The following EIF4E1B variants were observed in gnomAD, a reference collection of about 807,000 sequenced individuals.
EIF4E1B encodes eukaryotic translation initiation factor 4E type 1B.
EIF4E1B carries 22 observed loss-of-function variants against 31.3 expected under a neutral mutation model. The ratio of observed to expected loss-of-function variants is 0.70; its 90% confidence interval spans 0.50 to 1.00. The LOEUF is 1.00. Among genes scored for constraint, EIF4E1B ranks in the 50% least tolerant of loss-of-function variants. The pLI is 0.00. For missense variants in EIF4E1B, 290 were observed against 311.6 expected, an observed-to-expected ratio of 0.93 and a Z score of 0.52; for synonymous variants, 126 against 120.2, an observed-to-expected ratio of 1.05 and a Z score of -0.31.
intron 1 of EIF4E1B, among the ~76,000 whole-genome samples, chr5:176,636,687 C>T (rs547243238): frequency 1.3e-5 from 2 of 152,212 alleles, no homozygotes; most frequent in African/African-American, 2.4e-5. Context: ...GGAGGGGAAC[C>T]GGGGACATTT....
At position 176,645,155 on chromosome 5, in the gene EIF4E1B, A is replaced by G; in HGVS notation, c.386A>G (p.Asp129Gly). 6.4e-7 allele frequency: 1 copy of G among 1,570,952 alleles called. No homozygotes were observed. Among genetic ancestry groups the G allele is most frequent in the East Asian group, 2.4e-5 (1 of 42,322 alleles). Residue 129 changes from aspartate (D) to glycine (G), a missense_variant, in exon 7 of 9, where the codon GAC becomes GGC. Coordinates refer to ENST00000318682, the MANE Select transcript of EIF4E1B (RefSeq NM_001099408.2). This position sits in a 1 kb window ranked among gnomAD's most constrained non-coding sequence, Gnocchi z 5.4. ...FKDGIQPMWE[D>G]SRNKRGGRWL... ...GATGGCATCCAGCCCATGTGGGAGG[A>G]CAGCAGGAATAAACGGGGTGGCCGC...
At chr5:176,642,848 C>A in intron 3 of EIF4E1B, 46 bp downstream of exon 3, 2 of 1,345,606 alleles carry the variant, frequency 1.5e-6, no homozygotes, top group Non-Finnish European at 1.9e-6. Flanking sequence ...TGGCCCCGCC[C>A]TCTCCCCCCC....
chr5:176,643,765 TGGG>T (rs754129447), intron 5 of EIF4E1B, 31 bp downstream of exon 5: 3 of 1,592,798 alleles, frequency 1.9e-6, no homozygotes, highest in East Asian at 4.5e-5. Context: ...GGGCTAGAGT[TGGG>T]GGGCTCTGAG....
intron 1 of EIF4E1B, among the ~76,000 whole-genome samples, chr5:176,635,445 T>C (rs777990960): frequency 2.0e-5 from 3 of 152,048 alleles, no homozygotes; most frequent in Non-Finnish European, 2.9e-5. Context: ...ACCTTACAAG[T>C]GGTGGTGAGC....
At chr5:176,642,651 C>A in intron 2 of EIF4E1B, 59 bp from the exon 3 acceptor site, 1 of 1,395,670 alleles carries the variant, frequency 7.2e-7, no homozygotes, top group Non-Finnish European at 9.7e-7. Context: ...TCACCCTCCA[C>A]GGGATGCAGA....
rs200511687 is a variant in EIF4E1B at position 176,645,084 on chromosome 5, T to G, written c.361-46T>G. On this transcript the variant is annotated intron_variant, in intron 6 of 8. Coordinates refer to ENST00000318682, the MANE Select transcript of EIF4E1B (RefSeq NM_001099408.2). This position sits in a 1 kb window ranked among gnomAD's most constrained non-coding sequence, Gnocchi z 5.4. ...CCGGGATGGTGGGTGGGTCCCCATT[T>G]CCCTTTGAACACAGGGAGGCAGTTG... 243 of 1,514,000 alleles carry G rather than the reference T, an allele frequency of 1.6e-4. No homozygotes were observed. In the African/African-American group the frequency reaches 3.1e-3, roughly 19 times the overall value. 93.8% of individuals were successfully genotyped at this position (1,514,000 alleles called of 1,614,324 possible).
intron 1 of EIF4E1B, among the ~76,000 whole-genome samples, chr5:176,639,422 G>A (rs1760541730): frequency 1.3e-5 from 2 of 152,266 alleles, no homozygotes; most frequent in Admixed American, 1.3e-4. Context: ...GTAGCGCCAG[G>A]GGGGTTGCTC....
At position 176,642,856 on chromosome 5, in the gene EIF4E1B, C is replaced by CG. The variant is rs1554151038; in HGVS notation, c.15+54_15+55insG. On this transcript the variant is annotated intron_variant, in intron 3 of 8. Coordinates refer to ENST00000318682, the MANE Select transcript of EIF4E1B (RefSeq NM_001099408.2). ...TGCACCATGGCCCCGCCCTCTCCCCCCCCCCCCCCGCCCCAGGTGGGCGGG... is the reference window on the plus strand; with the variant it reads ...TGCACCATGGCCCCGCCCTCTCCCCCGCCCCCCCCCGCCCCAGGTGGGCGGG... 31 of 1,270,866 alleles carry CG rather than the reference C, an allele frequency of 2.4e-5. 4 individuals are homozygous for CG. Among genetic ancestry groups the CG allele is most frequent in the African/African-American group, 7.2e-5 (3 of 41,474 alleles). 78.7% of individuals were successfully genotyped at this position (1,270,866 alleles called of 1,614,324 possible).
At position 176,638,132 on chromosome 5, in the gene EIF4E1B, T is replaced by A. The variant is rs1440994413; in HGVS notation, c.-201-3911T>A. ...AGAGGAGGTGTCAGGAATTCATCTT[T>A]GGACATGGTAGCTCTGAGATGCATA... On this transcript the variant is annotated intron_variant, in intron 1 of 8. Transcript: ENST00000318682. This position sits in a 1 kb window ranked among gnomAD's most constrained non-coding sequence, Gnocchi z 4.3. Among the ~76,000 whole-genome samples, 2 of 152,170 alleles carry A rather than the reference T, an allele frequency of 1.3e-5. No homozygotes were observed. The highest frequency in any genetic ancestry group is 1.5e-5 in the Non-Finnish European group (1 of 68,026).
rs1025956223 is a variant in EIF4E1B, at chr5:176,645,299, G to C, written c.474+56G>C. 4.1e-5 allele frequency: 65 copies of C among 1,581,810 alleles called. No homozygotes were observed. The African/African-American group carries it at 6.7e-4, about 16-fold the overall frequency. On this transcript the variant is annotated intron_variant, in intron 7 of 8. Coordinates refer to ENST00000318682, the MANE Select transcript of EIF4E1B (RefSeq NM_001099408.2). The surrounding 1 kb of genome is among the most constrained non-coding windows in gnomAD (Gnocchi z 5.4). ...AGAGACGGGCTGTGTGGGTCTCATG[G>C]TGGCAGTGGTCTCAAGGATGGCAGG...
chr5:176,641,409 G>A (rs1211176987), intron 1 of EIF4E1B, among the ~76,000 whole-genome samples: 1 of 152,216 alleles, frequency 6.6e-6, no homozygotes, highest in African/African-American at 2.4e-5. Flanking sequence ...TTCTGAGACA[G>A]GGCCCAGCAG....
At chr5:176,634,299 T>C (rs1292360212) in intron 1 of EIF4E1B, among the ~76,000 whole-genome samples, 1 of 152,122 alleles carries the variant, frequency 6.6e-6, no homozygotes, top group East Asian at 1.9e-4. Context: ...GTACTCAGAA[T>C]TCTTTAACAA....
At chr5:176,634,792 C>T (rs555287450) in intron 1 of EIF4E1B, among the ~76,000 whole-genome samples, 1 of 151,586 alleles carries the variant, frequency 6.6e-6, no homozygotes, top group Admixed American at 6.6e-5. Flanking sequence ...GCCTCAGCCT[C>T]CTGAGTAGCT....
intron 3 of EIF4E1B, 88 bp from the exon 4 acceptor site, chr5:176,642,994 C>T (rs1322750630): frequency 2.6e-5 from 40 of 1,521,426 alleles, no homozygotes; most frequent in Admixed American, 6.2e-5. Context: ...CCTGCCTTCC[C>T]CTCCTGGAGC....
In EIF4E1B at chr5:176,646,084, T is replaced by C; in HGVS notation, c.*104T>C. The C allele has an allele frequency of 1.1e-6, 1 of 943,702 alleles. No individual in the cohort carries two copies. The highest frequency in any genetic ancestry group is 1.6e-6 in the Non-Finnish European group (1 of 618,576). 58.5% of individuals were successfully genotyped at this position (943,702 alleles called of 1,614,324 possible). The stretch of plus-strand genomic sequence containing the variant: ...GGGATCAGACAGCCTAGTTCTTACC[T>C]GTCCTCAAGTGAACAGGAATGCAAA... On this transcript the variant is annotated 3_prime_UTR_variant, in exon 9 of 9. Coordinates refer to ENST00000318682, the MANE Select transcript of EIF4E1B (RefSeq NM_001099408.2).
chr5:176,635,708 C>T (rs1021711420), intron 1 of EIF4E1B, among the ~76,000 whole-genome samples: 1 of 152,260 alleles, frequency 6.6e-6, no homozygotes, highest in African/African-American at 2.4e-5. Flanking sequence ...ATTTCATCCT[C>T]ATGGCCCAAG....
At chr5:176,643,340 G>A in intron 4 of EIF4E1B, 74 bp downstream of exon 4, 1 of 1,482,506 alleles carries the variant, frequency 6.7e-7, no homozygotes, top group Non-Finnish European at 9.1e-7. Context: ...CGTGGCCTTG[G>A]GCAACCCCGC....
Position 176,638,403 on chromosome 5 carries a change from G to A in EIF4E1B, c.-201-3640G>A, listed in dbSNP as rs147385428. ...CTCCCCAGAGCCTAAAATGGTGTCC[G>A]GCACAAAGTAATTGGTAGGTCATTA... On this transcript the variant is annotated intron_variant, in intron 1 of 8. Coordinates refer to ENST00000318682, the MANE Select transcript of EIF4E1B (RefSeq NM_001099408.2). This position sits in a 1 kb window ranked among gnomAD's most constrained non-coding sequence, Gnocchi z 4.3. Among the ~76,000 whole-genome samples, 142 of 152,258 alleles carry A rather than the reference G, an allele frequency of 9.3e-4. 4 individuals are homozygous for A. In the East Asian group the frequency reaches 0.024, roughly 25 times the overall value.
In EIF4E1B at chr5:176,643,741, G is replaced by A. The variant is rs1261786406; in HGVS notation, c.296+7G>A. ...CTGTGGAGGACTTCTGGGCGTGAGT[G>A]TCTGTCCCCAGTGGGGCTAGAGTTG... On this transcript the variant is annotated splice_region_variant and intron_variant, in intron 5 of 8. Transcript: ENST00000318682. The A allele has an allele frequency of 1.9e-6, 3 of 1,610,352 alleles. No homozygotes were observed. The highest frequency in any genetic ancestry group is 1.1e-5 in the South Asian group (1 of 90,228).
Sources: allele counts gnomAD v4.1 joint callset (sites outside exome capture counted in the v4.1 genomes callset), GRCh38; gene constraint gnomAD v4.1.1; non-coding constraint Gnocchi (gnomAD v3.1); transcripts MANE v1.5; gene names NCBI Gene and HGNC (gene_info 2026-07-23, HGNC 2026-07-21).